Variants in AOPEP observed in about 807,000 individuals in gnomAD.
AOPEP encodes aminopeptidase O (putative).
Under a neutral mutation model 98.1 loss-of-function variants are expected in AOPEP, and 77 were observed. The ratio of observed to expected loss-of-function variants is 0.78; its 90% CI spans 0.65 to 0.95. The LOEUF is 0.95. AOPEP is among the 40% of genes least tolerant of loss of function. The pLI, the probability that AOPEP is intolerant of heterozygous loss-of-function variation, is 0.00. For synonymous variants in AOPEP, 346 were observed against 365.3 expected (o/e 0.95, Z 0.60); for missense variants, 1,024 against 1,024.7 (o/e 1.00, Z 0.01).
intron 13 of AOPEP, among the ~76,000 whole-genome samples, chr9:95,015,490 G>A (rs986805400): frequency 6.6e-6 from 1 of 152,126 alleles, no homozygotes; most frequent in Non-Finnish European, 1.5e-5. Flanking sequence ...TGTTCACAAC[G>A]TACAAAACCC....
At chr9:95,114,105 C>A in the AOPEP span, 1 of 185,684 alleles carries the variant, frequency 5.4e-6, no homozygotes, top group East Asian at 1.2e-4. Context: ...TAAAACAAAC[C>A]AACCAACCCA....
At chr9:94,836,895 A>G (rs1214341747) in intron 5 of AOPEP, among the ~76,000 whole-genome samples, 2 of 149,750 alleles carry the variant, frequency 1.3e-5, no homozygotes, top group Non-Finnish European at 2.9e-5. Flanking sequence ...GATTAGTTCA[A>G]GGTTCATTTT....
chr9:95,150,071 C>G, the AOPEP span: 2 of 1,614,124 alleles, frequency 1.2e-6, no homozygotes, highest in Non-Finnish European at 8.5e-7. Flanking sequence ...AGGGACGCCA[C>G]TCGCTCGGGA....
At chr9:95,048,334 C>T (rs1255354601) in intron 13 of AOPEP, among the ~76,000 whole-genome samples, 1 of 152,150 alleles carries the variant, frequency 6.6e-6, no homozygotes. Flanking sequence ...ATTTGAATTG[C>T]CGGCTGTGTT....
intron 13 of AOPEP, among the ~76,000 whole-genome samples, chr9:95,012,012 G>T (rs1439870217): frequency 4.6e-5 from 7 of 152,118 alleles, no homozygotes; most frequent in African/African-American, 1.7e-4. Context: ...TTTCCCATGT[G>T]TCAAGCACTG....
At chr9:94,827,334 G>A (rs1159882174) in intron 5 of AOPEP, among the ~76,000 whole-genome samples, 2 of 152,162 alleles carry the variant, frequency 1.3e-5, no homozygotes, top group Non-Finnish European at 2.9e-5. Flanking sequence ...TACAGATGAG[G>A]AAAGTGAGGC....
chr9:95,067,272 G>A (rs567751956), intron 14 of AOPEP, among the ~76,000 whole-genome samples: 7 of 152,324 alleles, frequency 4.6e-5, no homozygotes, highest in Non-Finnish European at 7.3e-5. Context: ...GCGGAAGCAC[G>A]TTCCCAGGCC....
chr9:94,979,396 A>G lies in AOPEP; in HGVS notation c.1946A>G (p.Gln649Arg). 6.2e-7 allele frequency: 1 copy of G among 1,603,426 alleles called. No homozygotes were observed. The highest frequency in any genetic ancestry group is 8.5e-7 in the Non-Finnish European group (1 of 1,172,944). The change falls in exon 11 of 17, where the codon CAA becomes CGA. Residue 649 changes from glutamine to arginine, a missense_variant. Physicochemically the swap from Gln to Arg is conservative, Grantham distance 43. Around this residue, in one of 3 missense-constraint regions of AOPEP, gnomAD observed 566 missense variants for 551.7 expected, o/e 1.03. Transcript: ENST00000375315. The part of the protein sequence containing the change: ...RLELSVENIY[Q>R]DWLESSGIPK... ...GAGCTGTCTGTTGAAAACATCTACC[A>G]AGACTGGCTTGAGAGTTCCGGAATA...
chr9:95,092,436 C>T, the AOPEP span, among the ~76,000 whole-genome samples: 3 of 152,176 alleles, frequency 2.0e-5, no homozygotes, highest in African/African-American at 7.2e-5. Flanking sequence ...GAGTCTCCCA[C>T]AGGCTCCCCA....
At chr9:94,862,845 G>A (rs537617497) in intron 5 of AOPEP, among the ~76,000 whole-genome samples, 5 of 152,258 alleles carry the variant, frequency 3.3e-5, no homozygotes, top group South Asian at 4.2e-4. Flanking sequence ...CAAGAACTCC[G>A]TCTTGGACTT....
chr9:95,000,911 T>C (rs556109464), intron 11 of AOPEP, among the ~76,000 whole-genome samples: 2 of 152,280 alleles, frequency 1.3e-5, no homozygotes, highest in South Asian at 4.1e-4. Flanking sequence ...ACTCTCGACC[T>C]TGTTTGGTAT....
intron 13 of AOPEP, among the ~76,000 whole-genome samples, chr9:95,023,203 A>AAAGTCTGAAAACTTGAAGTCTTG (rs1221148331): frequency 7.2e-5 from 11 of 152,210 alleles, no homozygotes; most frequent in African/African-American, 2.7e-4. Context: ...TTTCAGACTT[A>AAAGTCTGAAAACTTGAAGTCTTG]AAGTCATTTG....
chr9:94,906,485 A>AATAAT (rs1488133280), intron 5 of AOPEP, among the ~76,000 whole-genome samples: 863 of 53,836 alleles, frequency 0.016, 14 homozygotes, highest in East Asian at 0.091. Context: ...ATAATAATAA[A>AATAAT]AAAACAGACC....
At chr9:94,849,200 T>C (rs1053326895) in intron 5 of AOPEP, among the ~76,000 whole-genome samples, 1 of 152,210 alleles carries the variant, frequency 6.6e-6, no homozygotes, top group African/African-American at 2.4e-5. Flanking sequence ...AATTTTTGTT[T>C]AACATGAAAT....
At chr9:95,039,736 C>CTTCATTCATTCATTCA (rs35690560) in intron 13 of AOPEP, among the ~76,000 whole-genome samples, 4 of 150,530 alleles carry the variant, frequency 2.7e-5, no homozygotes, top group Non-Finnish European at 4.4e-5. Context: ...AGACATGTTT[C>CTTCATTCATTCATTCA]TTCATTCATT....
chr9:95,010,845 TAA>T (rs1317396806), intron 13 of AOPEP, among the ~76,000 whole-genome samples: 3 of 152,180 alleles, frequency 2.0e-5, no homozygotes, highest in African/African-American at 7.2e-5. Context: ...TTATTAAAAG[TAA>T]TTACAAAGAA....
chr9:94,994,032 C>T (rs1270762654), intron 11 of AOPEP, among the ~76,000 whole-genome samples: 2 of 152,182 alleles, frequency 1.3e-5, no homozygotes, highest in Non-Finnish European at 2.9e-5. Flanking sequence ...CTCCCTTCTT[C>T]TCCCGAGCCA....
intron 1 of AOPEP, among the ~76,000 whole-genome samples, chr9:94,743,193 A>AGAAGAAGAAGAAGAAGAAGAG (rs1554695832): frequency 2.5e-4 from 30 of 121,988 alleles, no homozygotes; most frequent in Non-Finnish European, 3.4e-4. Context: ...AAGAAGAAGA[A>AGAAGAAGAAGAAGAAGAAGAG]GAAGAAGAGG....
chr9:94,876,367 T>G (rs1209261144), intron 5 of AOPEP, among the ~76,000 whole-genome samples: 1 of 148,272 alleles, frequency 6.7e-6, no homozygotes, highest in African/African-American at 2.5e-5. Context: ...TCTTTTCTTT[T>G]CTTTTTTTTT....
Sources: gnomAD v4.1 joint callset for allele counts (sites outside exome capture counted in the v4.1 genomes callset) on GRCh38, gnomAD v4.1.1 for gene constraint, gnomAD v4.1.1 regional missense constraint, MANE v1.5 for transcripts, NCBI Gene and HGNC (gene_info 2026-07-23, HGNC 2026-07-21) for gene names.